The following XKR6 variants were observed in gnomAD, a reference collection of about 807,000 sequenced individuals.
The protein encoded by XKR6 is XK related 6, also known as XK-related protein 6.
Under a neutral mutation model 56.7 loss-of-function variants are expected in XKR6, and 22 were observed. That is an observed-to-expected ratio of 0.39 (90% CI 0.28 to 0.55). The LOEUF (loss-of-function observed/expected upper bound fraction) is 0.55. XKR6 is among the 20% of genes least tolerant of loss of function. XKR6 has a pLI of 0.66. For missense variants in XKR6, 852 were observed against 889.0 expected (o/e 0.96, Z 0.53); for synonymous variants, 524 against 387.8 (o/e 1.35, Z -4.13).
rs577513315 is a variant in XKR6, at chr8:10,933,364, G to A, written c.765-8534C>T. Among the ~76,000 whole-genome samples, 28 of 98,662 alleles carry A rather than the reference G, an allele frequency of 2.8e-4. 2 individuals carry two copies. The South Asian group carries it at 7.6e-3, about 27-fold the overall frequency. 64.7% of individuals were successfully genotyped at this position (98,662 alleles called of 152,430 possible). A position where few individuals can be genotyped will look rare whatever the true frequency, so the allele number is the denominator to read the frequency against. On this transcript the variant is annotated intron_variant, in intron 1 of 2. Coordinates refer to ENST00000416569, the MANE Select transcript of XKR6 (RefSeq NM_173683.4). ...TTGTAGGTTGCCTGTTCACTCTGAT[G>A]GTAGTTTCTTCTGCTGTGCAGAAGC... is the stretch of plus-strand genomic sequence containing the variant.
At chr8:11,141,830 G>A (rs1800714521) in intron 1 of XKR6, among the ~76,000 whole-genome samples, 1 of 152,140 alleles carries the variant, frequency 6.6e-6, no homozygotes, top group Non-Finnish European at 1.5e-5. Context: ...TATGCTACTA[G>A]AAGGTAGGAC....
intron 1 of XKR6, among the ~76,000 whole-genome samples, chr8:11,094,645 A>T (rs1164847103): frequency 6.6e-6 from 1 of 152,144 alleles, no homozygotes; most frequent in Non-Finnish European, 1.5e-5. Context: ...GGCTGGTGGG[A>T]CCGACATCGA....
intron 1 of XKR6, among the ~76,000 whole-genome samples, chr8:11,033,061 A>C (rs1799031141): frequency 6.6e-6 from 1 of 151,632 alleles, no homozygotes; most frequent in African/African-American, 2.4e-5. Context: ...TGATGATGGT[A>C]ATGTGGTGGT....
rs1799329167 is a variant in XKR6 at position 11,119,236 on chromosome 8, G to C, written c.764+81340C>G. The stretch of plus-strand genomic sequence containing the variant: ...GGAGTGCTTTACTTCCAACTATGTG[G>C]TCAATTTTGGAATAGGTGTGGTGTC... On this transcript the variant is annotated intron_variant, in intron 1 of 2. Coordinates refer to ENST00000416569, the MANE Select transcript of XKR6 (RefSeq NM_173683.4). Among the ~76,000 whole-genome samples the C allele has an allele frequency of 2.0e-5, 3 of 152,240 alleles. No homozygotes were observed. The South Asian group carries it at 6.2e-4, about 32-fold the overall frequency.
intron 1 of XKR6, among the ~76,000 whole-genome samples, chr8:10,980,098 G>GC (rs1325901053): frequency 7.9e-5 from 12 of 152,238 alleles, no homozygotes; most frequent in African/African-American, 2.2e-4. Flanking sequence ...CTCTATGCAG[G>GC]CCTGGAGCCC....
In XKR6 at chr8:10,898,559, T is replaced by G. The variant is rs749672268; in HGVS notation, c.1319A>C (p.Tyr440Ser). Residue 440 changes from tyrosine (Y) to serine (S), a missense_variant, in exon 3 of 3, where the codon TAT becomes TCT. Coordinates refer to ENST00000416569, the MANE Select transcript of XKR6 (RefSeq NM_173683.4). The surrounding 1 kb of genome is among the most constrained non-coding windows in gnomAD (Gnocchi z 6.6). ...WFNVKEGRTR[Y>S]RMFAYYTIVL... is the part of the protein sequence containing the mutation. ...TATCGTATAATATGCAAACATTCGA[T>G]ATCGAGTCCGCCCTTCCTTGACGTT... 6.2e-7 allele frequency: 1 copy of G among 1,614,120 alleles called. No homozygotes were observed. Among genetic ancestry groups the G allele is most frequent in the Non-Finnish European group, 8.5e-7 (1 of 1,180,024 alleles).
intron 1 of XKR6, chr8:11,105,363 T>A (rs1265086585): frequency 6.6e-6 from 1 of 152,214 alleles, no homozygotes; most frequent in Non-Finnish European, 1.5e-5. Context: ...CCCCATCCTG[T>A]CCTTTTCTTT....
chr8:11,099,968 C>T (rs547709816), intron 1 of XKR6, among the ~76,000 whole-genome samples: 2 of 152,088 alleles, frequency 1.3e-5, no homozygotes, highest in South Asian at 2.1e-4. Context: ...CCCTGAGGCA[C>T]GGGGGAGTAG....
chr8:11,057,796 T>A (rs896595624), intron 1 of XKR6, among the ~76,000 whole-genome samples: 1 of 152,222 alleles, frequency 6.6e-6, no homozygotes, highest in Non-Finnish European at 1.5e-5. Context: ...GGCCTTTTTT[T>A]AACCTTTTAT....
At chr8:11,070,016 G>C (rs372118142) in intron 1 of XKR6, among the ~76,000 whole-genome samples, 7 of 152,266 alleles carry the variant, frequency 4.6e-5, no homozygotes, top group African/African-American at 1.7e-4. Flanking sequence ...GTTTCCTAAA[G>C]GGATCTTCTG....
At chr8:11,087,244 T>C (rs1053884135) in intron 1 of XKR6, among the ~76,000 whole-genome samples, 1 of 152,344 alleles carries the variant, frequency 6.6e-6, no homozygotes, top group South Asian at 2.1e-4. Context: ...ATTCAACCAC[T>C]GTCCCAGCAA....
At chr8:10,947,629 G>A (rs1801591459) in intron 1 of XKR6, among the ~76,000 whole-genome samples, 1 of 152,146 alleles carries the variant, frequency 6.6e-6, no homozygotes, top group Admixed American at 6.5e-5. Flanking sequence ...TAGCCCCCGG[G>A]GCCCTGGACC....
At chr8:11,198,995 G>C (rs1305566694) in intron 1 of XKR6, among the ~76,000 whole-genome samples, 1 of 151,950 alleles carries the variant, frequency 6.6e-6, no homozygotes. Context: ...GGGTGTTTAG[G>C]AATTTAGATT....
chr8:11,072,559 A>AAGCCAC (rs1800160061), intron 1 of XKR6, among the ~76,000 whole-genome samples: 3 of 152,116 alleles, frequency 2.0e-5, no homozygotes, highest in African/African-American at 7.2e-5. Flanking sequence ...GATGAAGCCA[A>AAGCCAC]AAGTCCACAC....
intron 1 of XKR6, among the ~76,000 whole-genome samples, chr8:11,050,559 T>C (rs1401586795): frequency 7.6e-6 from 1 of 131,172 alleles, no homozygotes; most frequent in Non-Finnish European, 1.6e-5. Flanking sequence ...GAGAAAGAGC[T>C]TTCATTTTAT....
intron 1 of XKR6, among the ~76,000 whole-genome samples, chr8:11,005,149 T>G (rs886693483): frequency 3.4e-5 from 5 of 147,186 alleles, no homozygotes; most frequent in African/African-American, 1.3e-4. Flanking sequence ...GGGCAGGTAG[T>G]GTGTCCAGCA....
In XKR6 at chr8:11,121,639, G is replaced by A. The variant is rs188791000; in HGVS notation, c.764+78937C>T. ...GAAGTCAGTGTGGCGATTCCTCAGG[G>A]ATCTAGAACGGGAAACACCATTTGA... On this transcript the variant is annotated intron_variant, in intron 1 of 2. Coordinates refer to ENST00000416569, the MANE Select transcript of XKR6 (RefSeq NM_173683.4). 1.4e-4 allele frequency among the ~76,000 whole-genome samples: 22 copies of A among 152,336 alleles called. No individual in the cohort carries two copies. In the East Asian group the frequency reaches 3.5e-3, roughly 24 times the overall value.
At chr8:11,077,236 G>A (rs889701599) in intron 1 of XKR6, among the ~76,000 whole-genome samples, 5 of 152,156 alleles carry the variant, frequency 3.3e-5, no homozygotes, top group Admixed American at 6.5e-5. Flanking sequence ...AAGCAGCAGC[G>A]TGCAGTGGCT....
At chr8:10,914,048 T>A (rs1800485657) in intron 2 of XKR6, among the ~76,000 whole-genome samples, 1 of 152,156 alleles carries the variant, frequency 6.6e-6, no homozygotes, top group African/African-American at 2.4e-5. Flanking sequence ...CTTGGGCAAA[T>A]TCCAGACCCC....
Sources: gnomAD v4.1 joint callset for allele counts (sites outside exome capture counted in the v4.1 genomes callset) on GRCh38, gnomAD v4.1.1 for gene constraint, Gnocchi (gnomAD v3.1) non-coding constraint, MANE v1.5 for transcripts, NCBI Gene and HGNC (gene_info 2026-07-23, HGNC 2026-07-21) for gene names.